CSNK1G3: variants seen among roughly 807,000 people sequenced by gnomAD.
The protein encoded by CSNK1G3 is casein kinase I isoform gamma-3.
Under a neutral mutation model 64.3 loss-of-function variants are expected in CSNK1G3, and 23 were observed. The ratio of observed to expected loss-of-function variants is 0.36; its 90% CI spans 0.26 to 0.51. CSNK1G3 has a LOEUF of 0.51. Among genes scored for constraint, CSNK1G3 ranks in the 20% least tolerant of loss-of-function variants. The pLI, the probability that CSNK1G3 is intolerant of heterozygous loss-of-function variation, is 0.96. For synonymous variants in CSNK1G3, 158 were observed against 162.2 expected, an observed-to-expected ratio of 0.97 and a Z score of 0.20; for missense variants, 357 against 510.5, an observed-to-expected ratio of 0.70 and a Z score of 2.90.
At chr5:123,528,889 C>G (rs191665558) in intron 1 of CSNK1G3, among the ~76,000 whole-genome samples, 2 of 152,310 alleles carry the variant, frequency 1.3e-5, no homozygotes, top group African/African-American at 4.8e-5. Context: ...TTCACAGACA[C>G]GTACATACAC....
Position 123,586,523 on chromosome 5 carries a change from C to T in CSNK1G3, c.674-1545C>T, listed in dbSNP as rs1791359827. Among the ~76,000 whole-genome samples, 3 of 152,112 alleles carry T rather than the reference C, an allele frequency of 2.0e-5. No homozygotes were observed. In the South Asian group the frequency reaches 6.2e-4, roughly 32 times the overall value. On this transcript the variant is annotated intron_variant, in intron 6 of 12. Coordinates refer to ENST00000345990, the Ensembl canonical transcript of CSNK1G3. ...TTGGAAAATTTGCTATTTTTAATAG[C>T]ATATACTTACATTTTATAATAAAAA...
chr5:123,559,854 A>G (rs773684466), intron 4 of CSNK1G3, among the ~76,000 whole-genome samples: 8 of 152,124 alleles, frequency 5.3e-5, no homozygotes, highest in Non-Finnish European at 7.4e-5. Flanking sequence ...TGAAAAGATT[A>G]TATTTTCAGA....
At chr5:123,611,854 T>G (rs780679210) in intron 12 of CSNK1G3, among the ~76,000 whole-genome samples, 53 of 152,352 alleles carry the variant, frequency 3.5e-4, no homozygotes, top group Non-Finnish European at 6.3e-4. Flanking sequence ...TTTTATGTCT[T>G]GCTTTCTGCT....
rs534826251 is a variant in CSNK1G3 at position 123,520,238 on chromosome 5, G to A, written c.-248+7668G>A. Among the ~76,000 whole-genome samples the A allele has an allele frequency of 1.9e-3, 291 of 152,176 alleles. 1 individual carries two copies. The highest frequency in any genetic ancestry group is 6.7e-3 in the African/African-American group (278 of 41,524). On this transcript the variant is annotated intron_variant, in intron 1 of 12. Coordinates refer to ENST00000345990, the Ensembl canonical transcript of CSNK1G3. ...TTCTTTACCATCAATATATGTAAAT[G>A]AAAGGAATATATATGTGCATATATA...
intron 5 of CSNK1G3, 43 bp downstream of exon 5, chr5:123,573,584 GGTT>G (rs1453627264): frequency 6.6e-7 from 1 of 1,507,566 alleles, no homozygotes; most frequent in Non-Finnish European, 8.9e-7. Flanking sequence ...ACAATTACAT[GGTT>G]GTTGGTCACA....
At chr5:123,520,421 T>G (rs1262899866) in intron 1 of CSNK1G3, among the ~76,000 whole-genome samples, 1 of 152,058 alleles carries the variant, frequency 6.6e-6, no homozygotes, top group Non-Finnish European at 1.5e-5. Context: ...TTCTCTATAT[T>G]GTTTGGGTTT....
At chr5:123,583,873 G>C (rs72791792) in intron 6 of CSNK1G3, among the ~76,000 whole-genome samples, 2,153 of 151,676 alleles carry the variant, frequency 0.014, 27 homozygotes, top group Non-Finnish European at 0.02. Flanking sequence ...ATTTTTTTTT[G>C]TAAAGTTAGG....
At chr5:123,513,165 A>T (rs1303613842) in intron 1 of CSNK1G3, among the ~76,000 whole-genome samples, 1 of 152,128 alleles carries the variant, frequency 6.6e-6, no homozygotes, top group African/African-American at 2.4e-5. Flanking sequence ...CTTAACCAAG[A>T]CATTAGTCAA....
chr5:123,532,057 G>C (rs1347337402), intron 1 of CSNK1G3, among the ~76,000 whole-genome samples: 2 of 151,730 alleles, frequency 1.3e-5, no homozygotes, highest in African/African-American at 4.8e-5. Flanking sequence ...ACAATATTAA[G>C]ATTACTCTTA....
chr5:123,549,687 C>T (rs1783269377), intron 2 of CSNK1G3, among the ~76,000 whole-genome samples: 1 of 152,204 alleles, frequency 6.6e-6, no homozygotes, highest in Non-Finnish European at 1.5e-5. Flanking sequence ...CTAACCAAAA[C>T]CTAGTGTTTC....
intron 1 of CSNK1G3, among the ~76,000 whole-genome samples, chr5:123,524,543 G>A (rs1451082131): frequency 1.3e-5 from 2 of 152,074 alleles, no homozygotes; most frequent in Non-Finnish European, 2.9e-5. Flanking sequence ...TTCGTTTCAA[G>A]TATATTTATA....
At chr5:123,601,198 G>T (rs533163674) in intron 10 of CSNK1G3, among the ~76,000 whole-genome samples, 2 of 152,122 alleles carry the variant, frequency 1.3e-5, no homozygotes, top group South Asian at 4.2e-4. Context: ...GTGCATATTT[G>T]ATTGTTTTAG....
At chr5:123,599,061 A>G (rs1793963092) in intron 10 of CSNK1G3, among the ~76,000 whole-genome samples, 1 of 152,202 alleles carries the variant, frequency 6.6e-6, no homozygotes, top group Admixed American at 6.5e-5. Flanking sequence ...ACCACTGACA[A>G]CAGATAGTAG....
intron 1 of CSNK1G3, among the ~76,000 whole-genome samples, chr5:123,531,062 T>G (rs1280669042): frequency 6.6e-6 from 1 of 152,122 alleles, no homozygotes; most frequent in Non-Finnish European, 1.5e-5. Flanking sequence ...GAATAAAGCA[T>G]TTGAAACACT....
intron 6 of CSNK1G3, among the ~76,000 whole-genome samples, chr5:123,585,876 CAT>C (rs968543397): frequency 2.0e-5 from 3 of 152,176 alleles, no homozygotes; most frequent in African/African-American, 7.2e-5. Flanking sequence ...TTTGGAAAAT[CAT>C]ATAGAAGTTT....
intron 10 of CSNK1G3, among the ~76,000 whole-genome samples, chr5:123,602,247 A>G (rs970686498): frequency 1.2e-4 from 18 of 152,178 alleles, no homozygotes; most frequent in African/African-American, 4.3e-4. Flanking sequence ...TACTTATTCC[A>G]TATAGGATAT....
intron 6 of CSNK1G3, among the ~76,000 whole-genome samples, chr5:123,583,131 G>C (rs532528921): frequency 6.6e-6 from 1 of 152,268 alleles, no homozygotes; most frequent in Non-Finnish European, 1.5e-5. Context: ...AAGAGGAAGT[G>C]CCTTTTATAT....
At chr5:123,571,943 T>C (rs1224998251) in intron 4 of CSNK1G3, among the ~76,000 whole-genome samples, 1 of 152,152 alleles carries the variant, frequency 6.6e-6, no homozygotes, top group Admixed American at 6.5e-5. Context: ...TGTGAGTATA[T>C]TCAGGGAGGT....
intron 2 of CSNK1G3, among the ~76,000 whole-genome samples, chr5:123,548,459 CAAAA>C (rs58778870): frequency 5.0e-5 from 4 of 79,282 alleles, no homozygotes; most frequent in Non-Finnish European, 2.5e-5. Flanking sequence ...GACTCTGTCT[CAAAA>C]AAAAAAAAAA....
Sources: gnomAD v4.1 joint callset for allele counts (sites outside exome capture counted in the v4.1 genomes callset) on GRCh38, gnomAD v4.1.1 for gene constraint, MANE v1.5 for transcripts, NCBI Gene and HGNC (gene_info 2026-07-23, HGNC 2026-07-21) for gene names.